The following OAS2 variants were observed in gnomAD, a reference collection of about 807,000 sequenced individuals.
OAS2 encodes the protein 2'-5'-oligoadenylate synthase 2.
Under a neutral mutation model 71.3 loss-of-function variants are expected in OAS2, and 67 were observed. That is an observed-to-expected ratio of 0.94 (90% CI 0.77 to 1.15). The LOEUF (loss-of-function observed/expected upper bound fraction) is 1.15. Among genes scored for constraint, OAS2 ranks in the 50% most tolerant of loss-of-function variants. The pLI, the probability that OAS2 is intolerant of heterozygous loss-of-function variation, is 0.00. For synonymous variants in OAS2, 327 were observed against 321.8 expected (o/e 1.02, Z -0.17); for missense variants, 789 against 822.5 (o/e 0.96, Z 0.50).
intron 3 of OAS2, among the ~76,000 whole-genome samples, chr12:112,996,679 G>C (rs1446593089): frequency 6.6e-6 from 1 of 152,070 alleles, no homozygotes; most frequent in African/African-American, 2.4e-5. Context: ...AAGGTGAGGG[G>C]ACAGAGGTTA....
intron 2 of OAS2, among the ~76,000 whole-genome samples, chr12:112,992,918 G>C (rs2044203875): frequency 6.6e-6 from 1 of 152,146 alleles, no homozygotes; most frequent in East Asian, 1.9e-4. Flanking sequence ...CATGCTGGGA[G>C]ACCTGGCCAG....
Position 112,978,743 on chromosome 12 carries a change from G to A in OAS2, c.135G>A (p.Leu45=), listed in dbSNP as rs755361976. The A allele has an allele frequency of 6.2e-6, 10 of 1,613,992 alleles. No homozygotes were observed. The African/African-American group carries it at 1.2e-4, about 19-fold the overall frequency. The change falls in exon 1 of 10, where the codon CTG becomes CTA. Residue 45 remains leucine (L), a synonymous_variant. Coordinates refer to ENST00000392583, the MANE Select transcript of OAS2 (RefSeq NM_002535.3). The surrounding 1 kb of genome is among the most constrained non-coding windows in gnomAD (Gnocchi z 4.2). ...DEMVNTICDV[L]QEPEQFPLVQ... is the part of the protein sequence containing the mutation. ...TGGTGAACACCATCTGTGACGTCCT[G>A]CAGGAACCCGAACAGTTCCCCCTGG... is the stretch of plus-strand genomic sequence containing the variant.
chr12:113,006,560 TA>T lies in OAS2; in HGVS notation c.1619del (p.Lys540ArgfsTer3), dbSNP rs1164786182. The T allele has an allele frequency of 6.2e-7, 1 of 1,610,568 alleles. No homozygotes were observed. Among genetic ancestry groups the T allele is most frequent in the South Asian group, 1.1e-5 (1 of 90,784 alleles). On this transcript the variant is annotated frameshift_variant, in exon 8 of 10. Coordinates refer to ENST00000392583, the MANE Select transcript of OAS2 (RefSeq NM_002535.3). LOFTEE classifies it high-confidence loss of function. ...TTCATTCGCTCCCGGCCCACCAAAC[TA>T]AAGGATTTAATTCGCCTGGTGAAGC... ...RNFIRSRPTKLKDLIRLVKHW... is the reference protein window; with the variant it reads ...RNFIRSRPTKXKDLIRLVKHW...
intron 8 of OAS2, among the ~76,000 whole-genome samples, chr12:113,007,040 G>A (rs1293747): frequency 0.24 from 36,624 of 152,092 alleles, 4,674 homozygotes; most frequent in East Asian, 0.5. Flanking sequence ...GTCAGCCCCT[G>A]AGCCCCTACT....
At chr12:112,997,866 A>C in intron 4 of OAS2, 111 bp downstream of exon 4, 1 of 885,976 alleles carries the variant, frequency 1.1e-6, no homozygotes, top group Non-Finnish European at 1.7e-6. Flanking sequence ...GGACCAGAAG[A>C]ATGGCAGCCA....
chr12:112,979,561 C>T lies in OAS2; in HGVS notation c.177+776C>T, dbSNP rs546363395. ...TATTGTCAGAACTGGGATTTTAAGC[C>T]TGGGTAATTGGCTTGAGGGCATGCA... On this transcript the variant is annotated intron_variant, in intron 1 of 9. Coordinates refer to ENST00000392583, the MANE Select transcript of OAS2 (RefSeq NM_002535.3). 5.9e-5 allele frequency among the ~76,000 whole-genome samples: 9 copies of T among 152,312 alleles called. No homozygotes were observed. The East Asian group carries it at 1.7e-3, about 29-fold the overall frequency.
intron 5 of OAS2, among the ~76,000 whole-genome samples, chr12:113,000,532 TCACACATG>T (rs1473657335): frequency 6.7e-6 from 1 of 149,680 alleles, no homozygotes; most frequent in African/African-American, 2.5e-5. Flanking sequence ...ACACACACAC[TCACACATG>T]CACACACATG....
chr12:112,999,814 A>G (rs559109659), intron 5 of OAS2, among the ~76,000 whole-genome samples: 4 of 152,338 alleles, frequency 2.6e-5, no homozygotes, highest in East Asian at 3.9e-4. Context: ...GTAAACTCCT[A>G]TGATCCCCTC....
At chr12:113,004,874 G>A (rs1293802419) in intron 6 of OAS2, 60 bp from the exon 7 acceptor site, 18 of 1,568,120 alleles carry the variant, frequency 1.1e-5, no homozygotes, top group South Asian at 3.5e-5. Flanking sequence ...GCCAGCCCAC[G>A]GGGGCACGGG....
chr12:112,987,459 C>T, intron 2 of OAS2, 151 bp downstream of exon 2: 2 of 1,452,556 alleles, frequency 1.4e-6, no homozygotes. Context: ...TCCCTTCTAC[C>T]CTGGACTCGC....
chr12:112,987,299 A>C lies in OAS2; in HGVS notation c.439A>C (p.Asn147His), dbSNP rs1018353002. 1.2e-6 allele frequency: 2 copies of C among 1,614,122 alleles called. No homozygotes were observed. The highest frequency in any genetic ancestry group is 1.7e-5 in the Admixed American group (1 of 60,010). Reference protein sequence around the residue: ...RISFEVLAAFNALSLNDNPSP... With the variant: ...RISFEVLAAFHALSLNDNPSP... Reference sequence around the variant, plus strand: ...CTCTTTCGAGGTGCTGGCCGCCTTCAACGCTCTGAGTAAGCATTGCTGGGT... The same window carrying C: ...CTCTTTCGAGGTGCTGGCCGCCTTCCACGCTCTGAGTAAGCATTGCTGGGT... The change falls in exon 2 of 10, where the codon AAC becomes CAC. Residue 147 changes from asparagine to histidine, a missense_variant. By Grantham distance (68) the Asn-to-His change is moderately conservative. Transcript: ENST00000392583.
At chr12:112,999,594 C>A (rs1024783261) in intron 5 of OAS2, among the ~76,000 whole-genome samples, 2 of 152,180 alleles carry the variant, frequency 1.3e-5, no homozygotes, top group Non-Finnish European at 2.9e-5. Context: ...GAATGGGGAA[C>A]TTCCCTAACT....
chr12:113,009,391 T>C lies in OAS2; in HGVS notation c.*136T>C, dbSNP rs2044361420. The C allele has an allele frequency of 4.7e-6, 7 of 1,489,664 alleles. No individual in the cohort carries two copies. In the South Asian group the frequency reaches 9.7e-5, roughly 21 times the overall value. 92.3% of individuals were successfully genotyped at this position (1,489,664 alleles called of 1,614,324 possible). Reference sequence around the variant, plus strand: ...GAGCTTAAACAGCTGGTCAGCCCCCTAAGCCCCCACTACAAGTGATCCTCA... The same window carrying C: ...GAGCTTAAACAGCTGGTCAGCCCCCCAAGCCCCCACTACAAGTGATCCTCA... On this transcript the variant is annotated 3_prime_UTR_variant, in exon 10 of 10. Coordinates refer to ENST00000392583, the MANE Select transcript of OAS2 (RefSeq NM_002535.3).
chr12:113,007,959 C>T lies in OAS2; in HGVS notation c.1895+16C>T. The T allele has an allele frequency of 2.5e-6, 4 of 1,578,384 alleles. No individual in the cohort carries two copies. In the South Asian group the frequency reaches 4.4e-5, roughly 17 times the overall value. On this transcript the variant is annotated intron_variant, in intron 9 of 9. Coordinates refer to ENST00000392583, the MANE Select transcript of OAS2 (RefSeq NM_002535.3). ...AGAAAACCAGGTGCCTTCACCCTAGCCCCGTACTTTTCTTAACCTGATTCC... is the reference window on the plus strand; with the variant it reads ...AGAAAACCAGGTGCCTTCACCCTAGTCCCGTACTTTTCTTAACCTGATTCC...
At position 112,999,717 on chromosome 12, in the gene OAS2, A is replaced by G. The variant is rs2044267062; in HGVS notation, c.1008+1307A>G. 4.6e-5 allele frequency among the ~76,000 whole-genome samples: 7 copies of G among 152,082 alleles called. 2 individuals carry two copies. The South Asian group carries it at 1.5e-3, about 32-fold the overall frequency. On this transcript the variant is annotated intron_variant, in intron 5 of 9. Coordinates refer to ENST00000392583, the MANE Select transcript of OAS2 (RefSeq NM_002535.3). ...TGACCCCAATTTTCCCGGCTTCTTC[A>G]GACAGATTTTTTCAAAAAATTATCC...
intron 2 of OAS2, among the ~76,000 whole-genome samples, chr12:112,990,878 C>T (rs2044185461): frequency 6.6e-6 from 1 of 152,158 alleles, no homozygotes; most frequent in African/African-American, 2.4e-5. Context: ...TCCCCCTTCC[C>T]ATCATGACCT....
intron 3 of OAS2, among the ~76,000 whole-genome samples, chr12:112,995,723 G>A (rs1311079277): frequency 6.6e-6 from 1 of 152,082 alleles, no homozygotes; most frequent in Non-Finnish European, 1.5e-5. Flanking sequence ...GATTAGTTTT[G>A]CTTGATTTTA....
intron 2 of OAS2, among the ~76,000 whole-genome samples, chr12:112,993,674 G>A (rs1175639882): frequency 6.6e-6 from 1 of 151,894 alleles, no homozygotes; most frequent in Non-Finnish European, 1.5e-5. Context: ...GAGGCCAGGA[G>A]TTCAAGACCA....
intron 1 of OAS2, among the ~76,000 whole-genome samples, chr12:112,980,117 G>A (rs966323325): frequency 6.6e-6 from 1 of 151,916 alleles, no homozygotes; most frequent in African/African-American, 2.4e-5. Context: ...ATTCTACTGT[G>A]TTTTTTTATT....
Sources: allele counts gnomAD v4.1 joint callset (sites outside exome capture counted in the v4.1 genomes callset), GRCh38; gene constraint gnomAD v4.1.1; non-coding constraint Gnocchi (gnomAD v3.1); transcripts MANE v1.5; gene names NCBI Gene and HGNC (gene_info 2026-07-23, HGNC 2026-07-21).